Variants in DAAM2 observed in about 807,000 individuals in gnomAD.
DAAM2 encodes the protein dishevelled associated activator of morphogenesis 2, also known as disheveled-associated activator of morphogenesis 2.
In DAAM2, 39 loss-of-function variants were observed where a neutral mutation model predicts 120.7. That is an observed-to-expected ratio of 0.32 (90% CI 0.25 to 0.42). The LOEUF (loss-of-function observed/expected upper bound fraction) is 0.42, where lower values mean the gene tolerates loss of function less well. Ranked by LOEUF, DAAM2 falls within the 10% of genes least tolerant of loss-of-function variation. The probability of loss-of-function intolerance (pLI) is 1.00; values close to 1 mark genes in which losing one functional copy is unlikely to be tolerated. For missense variants in DAAM2, 1,283 were observed against 1,401.7 expected, an observed-to-expected ratio of 0.92 and a Z score of 1.35; for synonymous variants, 488 against 524.9, an observed-to-expected ratio of 0.93 and a Z score of 0.96.
chr6:39,869,266 G>A (rs1030811231), intron 7 of DAAM2, among the ~76,000 whole-genome samples: 2 of 152,112 alleles, frequency 1.3e-5, no homozygotes, highest in East Asian at 1.9e-4. Context: ...TTCCTTTGGG[G>A]TCAGAATGGG....
At position 39,900,089 on chromosome 6, in the gene DAAM2, C is replaced by G. The variant is rs1766384848; in HGVS notation, c.2692C>G (p.Gln898Glu). 1.2e-6 allele frequency: 2 copies of G among 1,600,684 alleles called. 1 individual carries two copies. Among genetic ancestry groups the G allele is most frequent in the South Asian group, 2.3e-5 (2 of 88,320 alleles). The change falls in exon 23 of 25, where the codon CAG becomes GAG. Residue 898 changes from glutamine (Q) to glutamate (E), a missense_variant. Gln to Glu is a conservative substitution (Grantham distance 29, BLOSUM62 2). Transcript: ENST00000274867. ...CCTCCCTCCTCAGGAGCTGGAGTAT[C>G]AGAGGCGCCAGGTACGGGAGCCCAG... The part of the protein sequence containing the change: ...LRAVEVELEY[Q>E]RRQVREPSDK...
At chr6:39,890,879 G>A (rs569664684) in intron 17 of DAAM2, among the ~76,000 whole-genome samples, 1 of 152,104 alleles carries the variant, frequency 6.6e-6, no homozygotes, top group South Asian at 2.1e-4. Context: ...GCTTGAGCTC[G>A]GGAGGTAAAG....
intron 1 of DAAM2, among the ~76,000 whole-genome samples, chr6:39,825,444 T>TG (rs1562006551): frequency 0.024 from 795 of 33,142 alleles, 35 homozygotes; most frequent in Middle Eastern, 0.074. Flanking sequence ...GGTCGGGGGG[T>TG]TGGTGGGGGG....
At chr6:39,831,496 A>G (rs1048790957) in intron 1 of DAAM2, among the ~76,000 whole-genome samples, 4 of 151,968 alleles carry the variant, frequency 2.6e-5, no homozygotes, top group Non-Finnish European at 5.9e-5. Context: ...GGGGAAACTG[A>G]GGCACAGGGA....
rs141686306 is a variant in DAAM2, at chr6:39,872,922, T to C, written c.1045-316T>C. 5.7e-4 allele frequency among the ~76,000 whole-genome samples: 87 copies of C among 152,260 alleles called. 1 individual carries two copies. In the East Asian group the frequency reaches 0.015, roughly 25 times the overall value. ...CAATGTCTGGGGACATTTTGACTTG[T>C]GTGAGGGGGTGCCACTGGCATCTGC... On this transcript the variant is annotated intron_variant, in intron 9 of 24. Coordinates refer to ENST00000274867, the MANE Select transcript of DAAM2 (RefSeq NM_001201427.2).
intron 19 of DAAM2, among the ~76,000 whole-genome samples, chr6:39,894,309 A>G (rs1034218627): frequency 6.6e-6 from 1 of 152,244 alleles, no homozygotes; most frequent in African/African-American, 2.4e-5. Context: ...AATAGCATAT[A>G]AACCTTAGAA....
intron 6 of DAAM2, chr6:39,868,600 G>A: frequency 5.4e-6 from 3 of 555,480 alleles, no homozygotes; most frequent in Non-Finnish European, 9.7e-6. Context: ...AAGGCTGAGT[G>A]GAGAGGAAGT....
chr6:39,850,401 G>A (rs973286256), intron 1 of DAAM2, among the ~76,000 whole-genome samples: 1 of 152,058 alleles, frequency 6.6e-6, no homozygotes, highest in Admixed American at 6.6e-5. Context: ...TCTCAGGGCT[G>A]CCCAAACACC....
At chr6:39,796,819 C>T (rs1713644455) in intron 1 of DAAM2, among the ~76,000 whole-genome samples, 1 of 151,758 alleles carries the variant, frequency 6.6e-6, no homozygotes, top group South Asian at 2.1e-4. Flanking sequence ...TCTGAGTCTT[C>T]TTTATCTGTT....
At position 39,888,612 on chromosome 6, in the gene DAAM2, G is replaced by A. The variant is rs530317961; in HGVS notation, c.2061-67G>A. The A allele has an allele frequency of 2.9e-3, 4,026 of 1,378,828 alleles. 9 individuals carry two copies. Among genetic ancestry groups the A allele is most frequent in the Middle Eastern group, 0.014 (79 of 5,490 alleles). 85.4% of individuals were successfully genotyped at this position (1,378,828 alleles called of 1,614,324 possible). On this transcript the variant is annotated intron_variant, in intron 16 of 24. Coordinates refer to ENST00000274867, the MANE Select transcript of DAAM2 (RefSeq NM_001201427.2). ...GTCCTGTTAGGGAATGAGGGAAGGC[G>A]GAGGTGGTACCTTTTGGAGAAGAAG...
intron 14 of DAAM2, chr6:39,882,136 T>A (rs1233634765): frequency 6.6e-6 from 1 of 152,156 alleles, no homozygotes; most frequent in African/African-American, 2.4e-5. Context: ...GATGATGGGC[T>A]CTTGGCCAGA....
At chr6:39,836,503 A>G (rs946356804) in intron 1 of DAAM2, among the ~76,000 whole-genome samples, 1 of 152,212 alleles carries the variant, frequency 6.6e-6, no homozygotes, top group Non-Finnish European at 1.5e-5. Context: ...TGACAGGTCA[A>G]GTAAACCAGG....
chr6:39,857,409 G>A (rs1214972967), intron 2 of DAAM2, among the ~76,000 whole-genome samples: 1 of 152,218 alleles, frequency 6.6e-6, no homozygotes, highest in African/African-American at 2.4e-5. Flanking sequence ...AAATAACAGG[G>A]TCCCTGAAAG....
intron 1 of DAAM2, among the ~76,000 whole-genome samples, chr6:39,844,371 G>GAC (rs58561482): frequency 0.038 from 5,717 of 149,430 alleles, 300 homozygotes; most frequent in African/African-American, 0.12. Context: ...ACATCTGCTG[G>GAC]ACACACACAC....
At position 39,867,731 on chromosome 6, in the gene DAAM2, T is replaced by A. The variant is rs746092446; in HGVS notation, c.650T>A (p.Val217Glu). 22 of 1,613,844 alleles carry A rather than the reference T, an allele frequency of 1.4e-5. No individual in the cohort carries two copies. Among genetic ancestry groups the A allele is most frequent in the Non-Finnish European group, 1.4e-5 (16 of 1,179,892 alleles). Residue 217 changes from valine to glutamate, a missense_variant, in exon 6 of 25, where the codon GTG (valine) becomes GAG (glutamate). This residue lies in a region of DAAM2 where 338 missense variants were observed against 443.9 expected (regional missense o/e 0.76). Coordinates refer to ENST00000274867, the MANE Select transcript of DAAM2 (RefSeq NM_001201427.2). Reference sequence around the variant, plus strand: ...CGCACAGAGAACAGCAAGACCAAGGTGGCTGTGCTGGAGATCCTGGGTGCT... The same window carrying A: ...CGCACAGAGAACAGCAAGACCAAGGAGGCTGTGCTGGAGATCCTGGGTGCT... ...SLRTENSKTK[V>E]AVLEILGAVC...
chr6:39,889,184 A>G (rs1247250301), intron 17 of DAAM2: 2 of 153,370 alleles, frequency 1.3e-5, no homozygotes, highest in African/African-American at 4.8e-5. Flanking sequence ...ATACATACAT[A>G]TAACAAAGAT....
At chr6:39,862,044 T>G (rs1582691747) in intron 3 of DAAM2, 1 of 152,208 alleles carries the variant, frequency 6.6e-6, no homozygotes, top group East Asian at 1.9e-4. Flanking sequence ...TATACACCAT[T>G]TCAGAGTTGC....
chr6:39,815,525 C>T (rs1762281338), intron 1 of DAAM2, among the ~76,000 whole-genome samples: 2 of 152,144 alleles, frequency 1.3e-5, no homozygotes, highest in Admixed American at 1.3e-4. Flanking sequence ...CTGTTAAACA[C>T]AGTTTAACAG....
In DAAM2 at chr6:39,856,444, C is replaced by T. The variant is rs1215660291; in HGVS notation, c.142C>T (p.Leu48Phe). 1.4e-6 allele frequency: 2 copies of T among 1,479,716 alleles called. No homozygotes were observed. The allele number at this position is 1,479,716 out of a possible 1,614,324, so 91.7% of individuals were successfully genotyped here. ...CAGCCCCATCCCGAACGCAGAGGAG[C>T]TCAACATCCGCTTTGCAGAGCTGGT... is the stretch of plus-strand genomic sequence containing the variant. ...FSSPIPNAEE[L>F]NIRFAELVDE... Residue 48 changes from leucine to phenylalanine, a missense_variant, in exon 2 of 25, where the codon CTC (leucine) becomes TTC (phenylalanine). By Grantham distance (22) the Leu-to-Phe change is conservative. Around this residue, in one of 3 missense-constraint regions of DAAM2, gnomAD observed 197 missense variants for 189.3 expected, o/e 1.04. Transcript: ENST00000274867.
Sources: allele counts gnomAD v4.1 joint callset (sites outside exome capture counted in the v4.1 genomes callset), GRCh38; gene constraint gnomAD v4.1.1; regional missense constraint gnomAD v4.1.1; transcripts MANE v1.5; gene names NCBI Gene and HGNC (gene_info 2026-07-23, HGNC 2026-07-21).